Variants in APOH observed in about 807,000 individuals in gnomAD.
APOH encodes the protein apolipoprotein H.
In APOH, 48 loss-of-function variants were observed where a neutral mutation model predicts 39.8. That is an observed-to-expected ratio of 1.21 (90% confidence interval 0.96 to 1.54). APOH has a LOEUF of 1.54. APOH is among the 40% of genes most tolerant of loss of function. The pLI is 0.00. For synonymous variants in APOH, 153 were observed against 151.1 expected (o/e 1.01, Z -0.09); for missense variants, 415 against 421.2 (o/e 0.99, Z 0.13).
intron 3 of APOH, 60 bp downstream of exon 3, chr17:66,225,968 G>T: frequency 8.3e-7 from 1 of 1,202,364 alleles, no homozygotes; most frequent in Non-Finnish European, 1.2e-6. Flanking sequence ...TTGATGTTTA[G>T]CTTAAGGATA....
At position 66,217,953 on chromosome 17, in the gene APOH, T is replaced by A. The variant is rs115508926; in HGVS notation, c.605-986A>T. On this transcript the variant is annotated intron_variant, in intron 5 of 7. Coordinates refer to ENST00000205948, the MANE Select transcript of APOH (RefSeq NM_000042.3). Reference sequence around the variant, plus strand: ...GTGAGACTCCAACTCAAAAAAAAAATAAGAATCCATGTGTCTATAATAATA... The same window carrying A: ...GTGAGACTCCAACTCAAAAAAAAAAAAAGAATCCATGTGTCTATAATAATA... Among the ~76,000 whole-genome samples, 312 of 151,514 alleles carry A rather than the reference T, an allele frequency of 2.1e-3. 2 individuals are homozygous for A. Among genetic ancestry groups the A allele is most frequent in the African/African-American group, 6.6e-3 (273 of 41,306 alleles).
chr17:66,212,509 C>A (rs8178946), intron 7 of APOH, among the ~76,000 whole-genome samples: 1 of 152,090 alleles, frequency 6.6e-6, no homozygotes, highest in Admixed American at 6.6e-5. Flanking sequence ...CTCAGCCTCC[C>A]GAGTAGCTGG....
chr17:66,212,068 T>C lies in APOH; in HGVS notation c.*65A>G, dbSNP rs1253309173. 1.1e-5 allele frequency: 15 copies of C among 1,387,798 alleles called. No individual in the cohort carries two copies. The highest frequency in any genetic ancestry group is 1.5e-5 in the Non-Finnish European group (15 of 978,718). The allele number at this position is 1,387,798 out of a possible 1,614,324, so 86.0% of individuals were successfully genotyped here. On this transcript the variant is annotated 3_prime_UTR_variant, in exon 8 of 8. Transcript: ENST00000205948. Reference sequence around the variant, plus strand: ...AATTCAGTAGCTTTATTTTTAAATTTCAATTAGGTTCCTTGGATGAACAAG... The same window carrying C: ...AATTCAGTAGCTTTATTTTTAAATTCCAATTAGGTTCCTTGGATGAACAAG...
chr17:66,218,392 C>T (rs1411772950), intron 5 of APOH, among the ~76,000 whole-genome samples: 1 of 151,984 alleles, frequency 6.6e-6, no homozygotes, highest in African/African-American at 2.4e-5. Flanking sequence ...TCACTGCAAC[C>T]TCCCCCTCCT....
At chr17:66,214,685 A>G in intron 6 of APOH, 35 bp from the exon 7 acceptor site, 2 of 1,549,178 alleles carry the variant, frequency 1.3e-6, no homozygotes, top group Non-Finnish European at 8.9e-7. Context: ...AGGACTTAAG[A>G]GTTCAGGAAG....
At chr17:66,217,056 A>C in intron 5 of APOH, 89 bp from the exon 6 acceptor site, 1 of 1,078,264 alleles carries the variant, frequency 9.3e-7, no homozygotes. Flanking sequence ...CTGTCACACC[A>C]CTGAATCACT....
At chr17:66,213,557 T>C (rs2146990158) in intron 7 of APOH, among the ~76,000 whole-genome samples, 1 of 152,342 alleles carries the variant, frequency 6.6e-6, no homozygotes, top group Non-Finnish European at 1.5e-5. Context: ...TTCATTATTA[T>C]TCAAGCTCAA....
intron 5 of APOH, among the ~76,000 whole-genome samples, chr17:66,218,523 G>C (rs1251475287): frequency 6.6e-6 from 1 of 151,932 alleles, no homozygotes; most frequent in African/African-American, 2.4e-5. Context: ...TGGCCAGGCT[G>C]GTCTTGAACT....
chr17:66,217,354 C>A (rs1032064100), intron 5 of APOH, among the ~76,000 whole-genome samples: 5 of 144,444 alleles, frequency 3.5e-5, no homozygotes, highest in African/African-American at 1.0e-4. Context: ...ACCCCCCCCC[C>A]CATTCACACT....
In APOH at chr17:66,212,155, G is replaced by A. The variant is rs371044477; in HGVS notation, c.1016C>T (p.Ala339Val). 3.1e-6 allele frequency: 5 copies of A among 1,613,822 alleles called. No individual in the cohort carries two copies. Among genetic ancestry groups the A allele is most frequent in the African/African-American group, 1.3e-5 (1 of 74,930 alleles). ...ACCTTAGCATGGCTTTACATCGGAT[G>A]CATCAGTTTTCCAAAAAGCCAGAGA... is the stretch of plus-strand genomic sequence containing the variant. The part of the protein sequence containing the change: ...HSSLAFWKTD[A>V]SDVKPC Residue 339 changes from alanine to valine, a missense_variant, in exon 8 of 8, where the codon GCA becomes GTA. By Grantham distance (64) the Ala-to-Val change is moderately conservative (BLOSUM62 0). This residue lies in a region of APOH where 120 missense variants were observed against 110.6 expected (regional missense o/e 1.08). Transcript: ENST00000205948.
At chr17:66,219,455 T>C (rs1331161131) in intron 5 of APOH, among the ~76,000 whole-genome samples, 1 of 151,796 alleles carries the variant, frequency 6.6e-6, no homozygotes, top group Non-Finnish European at 1.5e-5. Flanking sequence ...GAGAATGAGG[T>C]CAGATGACAC....
At chr17:66,215,871 G>C (rs1232974382) in intron 6 of APOH, among the ~76,000 whole-genome samples, 1 of 152,178 alleles carries the variant, frequency 6.6e-6, no homozygotes, top group Non-Finnish European at 1.5e-5. Context: ...AGTAGGAATA[G>C]TTCCTGCCTT....
chr17:66,223,569 AT>A, intron 4 of APOH, 128 bp downstream of exon 4: 1 of 773,040 alleles, frequency 1.3e-6, no homozygotes, highest in Non-Finnish European at 2.2e-6. Context: ...ACCAGGATGA[AT>A]ATCCCCCACA....
intron 2 of APOH, among the ~76,000 whole-genome samples, chr17:66,226,825 A>AT (rs549675533): frequency 3.0e-4 from 45 of 151,950 alleles, no homozygotes; most frequent in African/African-American, 1.0e-3. Flanking sequence ...AAAGATATGC[A>AT]TGGAAAATAA....
rs149516838 is a variant in APOH at position 66,221,375 on chromosome 17, G to A, written c.416-633C>T. On this transcript the variant is annotated intron_variant, in intron 4 of 7. Transcript: ENST00000205948. Reference sequence around the variant, plus strand: ...AGAAAGAGGAGGGGAGGGGAGGGGAGGGAGGGAGGAAGGAAGGAAGGAAGG... The same window carrying A: ...AGAAAGAGGAGGGGAGGGGAGGGGAAGGAGGGAGGAAGGAAGGAAGGAAGG... Among the ~76,000 whole-genome samples the A allele has an allele frequency of 9.2e-4, 85 of 91,990 alleles. 4 individuals are homozygous for A. The highest frequency in any genetic ancestry group is 4.2e-3 in the African/African-American group (83 of 19,676). 60.3% of individuals were successfully genotyped at this position (91,990 alleles called of 152,430 possible).
rs1194664089 is a variant in APOH, at chr17:66,224,637, A to AGAAGGGAAGG, written c.339-873_339-864dup. 1.5e-3 allele frequency among the ~76,000 whole-genome samples: 79 copies of AGAAGGGAAGG among 51,898 alleles called. 3 individuals are homozygous for AGAAGGGAAGG. The highest frequency in any genetic ancestry group is 1.9e-3 in the East Asian group (2 of 1,074). The allele number at this position is 51,898 out of a possible 152,430, so 34.0% of individuals were successfully genotyped here. A position where few individuals can be genotyped will look rare whatever the true frequency, so the allele number is the denominator to read the frequency against. On this transcript the variant is annotated intron_variant, in intron 3 of 7. Transcript: ENST00000205948. ...AGAAAGAAAGAAAGAAGAAAGGAAG[A>AGAAGGGAAGG]GAAGGGAAGGGAAGGGAAGGGAAGG... is the stretch of plus-strand genomic sequence containing the variant.
In APOH at chr17:66,229,401, C is replaced by A. The variant is rs752945032; in HGVS notation, c.-22G>T. The stretch of plus-strand genomic sequence containing the variant: ...TCATTGTGGATGAGTCACACTGGCA[C>A]TACCAAAGTGGTTTTCGTCTGCTAA... On this transcript the variant is annotated 5_prime_UTR_variant, in exon 1 of 8. Transcript: ENST00000205948. The A allele has an allele frequency of 6.2e-7, 1 of 1,611,242 alleles. No individual in the cohort carries two copies. The highest frequency in any genetic ancestry group is 8.5e-7 in the Non-Finnish European group (1 of 1,178,184).
intron 2 of APOH, among the ~76,000 whole-genome samples, chr17:66,226,895 A>ATT (rs748060781): frequency 0.22 from 24,054 of 107,874 alleles, 2,277 homozygotes; most frequent in Non-Finnish European, 0.26. Flanking sequence ...TTATTTATTT[A>ATT]TTTTTTTTTT....
chr17:66,220,661 T>A lies in APOH; in HGVS notation c.497A>T (p.Tyr166Phe), dbSNP rs779240883. 6.2e-7 allele frequency: 1 copy of A among 1,614,008 alleles called. No homozygotes were observed. Among genetic ancestry groups the A allele is most frequent in the Non-Finnish European group, 8.5e-7 (1 of 1,180,020 alleles). Residue 166 changes from tyrosine to phenylalanine, a missense_variant, in exon 5 of 8, where the codon TAT (tyrosine) becomes TTT (phenylalanine). By Grantham distance (22) the Tyr-to-Phe change is conservative (BLOSUM62 3). This residue lies in a region of APOH where 288 missense variants were observed against 284.9 expected (regional missense o/e 1.01). Coordinates refer to ENST00000205948, the MANE Select transcript of APOH (RefSeq NM_000042.3). Reference protein sequence around the residue: ...YKPSAGNNSLYRDTAVFECLP... With the variant: ...YKPSAGNNSLFRDTAVFECLP... Reference sequence around the variant, plus strand: ...ACATTCAAAAACTGCTGTGTCCCGATAGAGGGAATTGTTTCCAGCTGATGG... The same window carrying A: ...ACATTCAAAAACTGCTGTGTCCCGAAAGAGGGAATTGTTTCCAGCTGATGG...
Sources: allele counts gnomAD v4.1 joint callset (sites outside exome capture counted in the v4.1 genomes callset), GRCh38; gene constraint gnomAD v4.1.1; regional missense constraint gnomAD v4.1.1; transcripts MANE v1.5; gene names NCBI Gene and HGNC (gene_info 2026-07-23, HGNC 2026-07-21).